The following NIBAN1 variants were observed in gnomAD, a reference collection of about 807,000 sequenced individuals.
NIBAN1 encodes the protein niban apoptosis regulator 1, also known as protein Niban 1.
NIBAN1 carries 81 observed loss-of-function variants against 75.1 expected under a neutral mutation model. That is an observed-to-expected ratio of 1.08 (90% CI 0.90 to 1.30). The LOEUF (loss-of-function observed/expected upper bound fraction) is 1.30, where lower values mean the gene tolerates loss of function less well. NIBAN1 is among the 50% of genes most tolerant of loss of function. The pLI is 0.00. For synonymous variants in NIBAN1, 436 were observed against 424.8 expected (o/e 1.03, Z -0.32); for missense variants, 1,133 against 1,128.1 (o/e 1.00, Z -0.06).
rs1653724351 is a variant in NIBAN1, at chr1:184,792,470, G to C, written c.*2507C>G. The stretch of plus-strand genomic sequence containing the variant: ...TGCATTGAGCAAAGAAAGGAAGCTA[G>C]GAAGCTCCGGTGTGAGGTCAGCCTG... On this transcript the variant is annotated 3_prime_UTR_variant, in exon 14 of 14. Transcript: ENST00000367511. The C allele has an allele frequency of 6.5e-6, 1 of 152,718 alleles. No individual in the cohort carries two copies. Among genetic ancestry groups the C allele is most frequent in the Non-Finnish European group, 1.5e-5 (1 of 68,086 alleles). 9.5% of individuals were successfully genotyped at this position (152,718 alleles called of 1,614,324 possible). A position where few individuals can be genotyped will look rare whatever the true frequency, so the allele number is the denominator to read the frequency against.
chr1:184,958,174 C>A (rs762688192), intron 1 of NIBAN1, among the ~76,000 whole-genome samples: 1 of 152,130 alleles, frequency 6.6e-6, no homozygotes, highest in Non-Finnish European at 1.5e-5. Flanking sequence ...CAAGACCAGC[C>A]TGGCCAACAT....
chr1:184,958,882 T>C (rs1379927962), intron 1 of NIBAN1, among the ~76,000 whole-genome samples: 6 of 152,268 alleles, frequency 3.9e-5, no homozygotes, highest in Non-Finnish European at 8.8e-5. Flanking sequence ...TTGCCATTGT[T>C]GCTCATAAAA....
intron 5 of NIBAN1, among the ~76,000 whole-genome samples, chr1:184,881,282 A>G (rs995818364): frequency 6.6e-6 from 1 of 152,186 alleles, no homozygotes; most frequent in African/African-American, 2.4e-5. Context: ...CAGGCCCTTC[A>G]TCAGGGTTAA....
chr1:184,932,244 CTAT>C (rs1657842531), intron 1 of NIBAN1, among the ~76,000 whole-genome samples: 1 of 152,126 alleles, frequency 6.6e-6, no homozygotes. Flanking sequence ...TACTTTATTT[CTAT>C]TATTATTACA....
chr1:184,903,301 T>C (rs1431467945), intron 1 of NIBAN1, among the ~76,000 whole-genome samples: 2 of 152,226 alleles, frequency 1.3e-5, no homozygotes, highest in Non-Finnish European at 2.9e-5. Flanking sequence ...ATTGCGTTAG[T>C]ACAATTCACT....
chr1:184,899,087 C>A, intron 2 of NIBAN1, 92 bp downstream of exon 2: 1 of 1,425,648 alleles, frequency 7.0e-7, no homozygotes, highest in Non-Finnish European at 9.6e-7. Context: ...TTTAAAACTG[C>A]CATTCAAATT....
At chr1:184,880,423 C>T (rs756534368) in intron 5 of NIBAN1, among the ~76,000 whole-genome samples, 2 of 152,186 alleles carry the variant, frequency 1.3e-5, no homozygotes, top group African/African-American at 2.4e-5. Flanking sequence ...CTTCCTATTG[C>T]TGTTATAATA....
At position 184,808,237 on chromosome 1, in the gene NIBAN1, T is replaced by C. The variant is rs1181355774; in HGVS notation, c.1174-2A>G. 6.2e-7 allele frequency: 1 copy of C among 1,613,188 alleles called. No individual in the cohort carries two copies. The highest frequency in any genetic ancestry group is 1.1e-5 in the South Asian group (1 of 91,012). ...AAGATTCATAAGCCGGTCTAGATGC[T>C]GCATTTTGGTGAAGGGAAACATTAA... On this transcript the variant is annotated splice_acceptor_variant, in intron 9 of 13. Coordinates refer to ENST00000367511, the MANE Select transcript of NIBAN1 (RefSeq NM_052966.4). LOFTEE classifies it high-confidence loss of function.
rs765201363 is a variant in NIBAN1 at position 184,806,025 on chromosome 1, T to G, written c.1367A>C (p.Gln456Pro). 6.8e-6 allele frequency: 11 copies of G among 1,614,182 alleles called. No homozygotes were observed. The highest frequency in any genetic ancestry group is 8.5e-6 in the Non-Finnish European group (10 of 1,180,024). ...TCCTTGGAGATGTGGGGAAAGCAACTGCTCAAAAGTGAACACTGCATTCTC... is the reference window on the plus strand; with the variant it reads ...TCCTTGGAGATGTGGGGAAAGCAACGGCTCAAAAGTGAACACTGCATTCTC... ...LMENAVFTFE[Q>P]LLSPHLQGEA... Residue 456 changes from glutamine to proline, a missense_variant, in exon 11 of 14, where the codon CAG (glutamine) becomes CCG (proline). By Grantham distance (76) the Gln-to-Pro change is moderately conservative (BLOSUM62 -1). Coordinates refer to ENST00000367511, the MANE Select transcript of NIBAN1 (RefSeq NM_052966.4).
chr1:184,800,768 G>T (rs1654016801), intron 12 of NIBAN1, among the ~76,000 whole-genome samples: 1 of 152,158 alleles, frequency 6.6e-6, no homozygotes, highest in Non-Finnish European at 1.5e-5. Context: ...GGATTTAAGG[G>T]CTTGTTTATG....
chr1:184,828,048 TA>T (rs1426605067), intron 6 of NIBAN1, among the ~76,000 whole-genome samples: 1 of 145,648 alleles, frequency 6.9e-6, no homozygotes, highest in East Asian at 2.1e-4. Context: ...AAGCAAATAA[TA>T]AATATATCAC....
chr1:184,889,948 T>C (rs985859428), intron 4 of NIBAN1, among the ~76,000 whole-genome samples, 160 bp downstream of exon 4: 3 of 152,194 alleles, frequency 2.0e-5, no homozygotes, highest in Non-Finnish European at 2.9e-5. Context: ...ATTCACTAAA[T>C]GCCATAGCAC....
rs566079080 is a variant in NIBAN1, at chr1:184,922,837, C to A, written c.56-23528G>T. ...GGTCTGGCTGGTCTCGAACTCCTGACCTCAGGTGATCCACCTGTTTCGGCC... is the reference window on the plus strand; with the variant it reads ...GGTCTGGCTGGTCTCGAACTCCTGAACTCAGGTGATCCACCTGTTTCGGCC... On this transcript the variant is annotated intron_variant, in intron 1 of 13. Transcript: ENST00000367511. Among the ~76,000 whole-genome samples, 6 of 152,306 alleles carry A rather than the reference C, an allele frequency of 3.9e-5. No homozygotes were observed. The East Asian group carries it at 7.7e-4, about 20-fold the overall frequency.
At chr1:184,830,998 C>CAAAAA (rs34893558) in intron 6 of NIBAN1, among the ~76,000 whole-genome samples, 1 of 146,326 alleles carries the variant, frequency 6.8e-6, no homozygotes, top group Admixed American at 6.8e-5. Context: ...AGACTCCTCT[C>CAAAAA]AAAAAAAAAA....
intron 5 of NIBAN1, among the ~76,000 whole-genome samples, chr1:184,864,153 C>T (rs1479527524): frequency 6.6e-6 from 1 of 152,168 alleles, no homozygotes; most frequent in Non-Finnish European, 1.5e-5. Flanking sequence ...TAACTGCCTA[C>T]CTCTAGGCAA....
chr1:184,906,771 C>A (rs932424141), intron 1 of NIBAN1, among the ~76,000 whole-genome samples: 1 of 152,078 alleles, frequency 6.6e-6, no homozygotes, highest in Non-Finnish European at 1.5e-5. Context: ...ATCTGTTTTC[C>A]TTAACCAGTC....
chr1:184,840,749 G>A (rs949343731), intron 5 of NIBAN1, among the ~76,000 whole-genome samples: 6 of 150,668 alleles, frequency 4.0e-5, no homozygotes, highest in Non-Finnish European at 7.4e-5. Flanking sequence ...GAGACATCCT[G>A]TACCTAGGCA....
At chr1:184,832,404 T>C (rs1359173842) in intron 5 of NIBAN1, among the ~76,000 whole-genome samples, 2 of 152,202 alleles carry the variant, frequency 1.3e-5, no homozygotes, top group African/African-American at 2.4e-5. Context: ...TTCAATACAA[T>C]ATGCATCAAC....
At chr1:184,890,326 C>A in intron 3 of NIBAN1, 104 bp from the exon 4 acceptor site, 1 of 774,602 alleles carries the variant, frequency 1.3e-6, no homozygotes, top group South Asian at 1.5e-5. Context: ...TCAGAGATAG[C>A]AATCCCCATA....
Sources: gnomAD v4.1 joint callset for allele counts (sites outside exome capture counted in the v4.1 genomes callset) on GRCh38, gnomAD v4.1.1 for gene constraint, MANE v1.5 for transcripts, NCBI Gene and HGNC (gene_info 2026-07-23, HGNC 2026-07-21) for gene names.